CEP162: variants seen among roughly 807,000 people sequenced by gnomAD.
CEP162 encodes centrosomal protein 162.
Under a neutral mutation model 169.2 loss-of-function variants are expected in CEP162, and 141 were observed. The ratio of observed to expected loss-of-function variants is 0.83; its 90% confidence interval spans 0.73 to 0.96. The LOEUF (loss-of-function observed/expected upper bound fraction) is 0.96, where lower values mean the gene tolerates loss of function less well. Ranked by LOEUF, CEP162 falls within the 40% of genes least tolerant of loss-of-function variation. The pLI is 0.00. For missense variants in CEP162, 1,600 were observed against 1,587.2 expected, an observed-to-expected ratio of 1.01 and a Z score of -0.14; for synonymous variants, 540 against 526.4, an observed-to-expected ratio of 1.03 and a Z score of -0.35.
chr6:84,204,868 G>C (rs2099546127), intron 6 of CEP162, among the ~76,000 whole-genome samples: 1 of 152,056 alleles, frequency 6.6e-6, no homozygotes, highest in Non-Finnish European at 1.5e-5. Flanking sequence ...TCAAACAGAT[G>C]CAATAAAAAA....
At chr6:84,204,753 A>G (rs1378285409) in intron 6 of CEP162, among the ~76,000 whole-genome samples, 2 of 152,208 alleles carry the variant, frequency 1.3e-5, no homozygotes, top group African/African-American at 2.4e-5. Flanking sequence ...GGAGATACAA[A>G]CACAAAAAAC....
intron 22 of CEP162, among the ~76,000 whole-genome samples, chr6:84,155,057 C>T (rs2099522617): frequency 6.6e-6 from 1 of 152,078 alleles, no homozygotes; most frequent in Admixed American, 6.6e-5. Flanking sequence ...CACTAATTCT[C>T]ATATTGAGAG....
intron 9 of CEP162, among the ~76,000 whole-genome samples, chr6:84,195,605 A>G (rs149441356): frequency 2.4e-4 from 37 of 152,338 alleles, no homozygotes; most frequent in African/African-American, 8.7e-4. Flanking sequence ...GACATCTGAC[A>G]TTATCTTTTT....
chr6:84,171,776 A>ATGTT, intron 16 of CEP162, 58 bp from the exon 17 acceptor site: 4 of 656,376 alleles, frequency 6.1e-6, no homozygotes, highest in Non-Finnish European at 9.8e-6. Flanking sequence ...TATATAACAT[A>ATGTT]ATATATGTGC....
intron 25 of CEP162, among the ~76,000 whole-genome samples, chr6:84,143,619 G>A (rs2099517622): frequency 6.6e-6 from 1 of 151,866 alleles, no homozygotes; most frequent in Non-Finnish European, 1.5e-5. Flanking sequence ...GTAGAAGCTT[G>A]CAGAAGGAGA....
At chr6:84,203,348 TA>T in intron 7 of CEP162, among the ~76,000 whole-genome samples, 1 of 152,370 alleles carries the variant, frequency 6.6e-6, no homozygotes, top group African/African-American at 2.4e-5. Flanking sequence ...AAAGAAAAAG[TA>T]TAAGTTAACA....
At chr6:84,207,619 T>C (rs535583719) in intron 6 of CEP162, among the ~76,000 whole-genome samples, 105 of 151,490 alleles carry the variant, frequency 6.9e-4, no homozygotes, top group African/African-American at 2.5e-3. Context: ...CTAATGTAAA[T>C]GACGAGTTAA....
chr6:84,148,053 T>C (rs1001509514), intron 24 of CEP162, among the ~76,000 whole-genome samples: 1 of 152,138 alleles, frequency 6.6e-6, no homozygotes, highest in Non-Finnish European at 1.5e-5. Flanking sequence ...TTCCAGACTA[T>C]TCCTTAATAC....
At chr6:84,214,215 C>G (rs2099550669) in intron 5 of CEP162, among the ~76,000 whole-genome samples, 3 of 152,170 alleles carry the variant, frequency 2.0e-5, no homozygotes, top group Admixed American at 2.0e-4. Flanking sequence ...GGAGGTGGAG[C>G]TTGCAGTGAG....
At chr6:84,186,721 T>C (rs573048779) in intron 11 of CEP162, 98 bp from the exon 12 acceptor site, 1 of 960,904 alleles carries the variant, frequency 1.0e-6, no homozygotes, top group South Asian at 1.8e-5. Context: ...ACACACTATA[T>C]ATTTGAATTG....
At chr6:84,157,133 T>C (rs2099523530) in intron 21 of CEP162, among the ~76,000 whole-genome samples, 1 of 152,126 alleles carries the variant, frequency 6.6e-6, no homozygotes, top group Non-Finnish European at 1.5e-5. Context: ...AGTAAAATTT[T>C]TGAAACATAT....
intron 23 of CEP162, among the ~76,000 whole-genome samples, chr6:84,152,025 G>A (rs1271882398): frequency 1.3e-5 from 2 of 152,162 alleles, no homozygotes; most frequent in East Asian, 3.8e-4. Context: ...AGACTCAGAG[G>A]AAAGAGACAG....
chr6:84,194,024 C>T (rs2099541015), intron 10 of CEP162, among the ~76,000 whole-genome samples: 1 of 151,920 alleles, frequency 6.6e-6, no homozygotes, highest in African/African-American at 2.4e-5. Context: ...AAAAAATATC[C>T]CTTTAAATGA....
At chr6:84,156,743 G>GACACACAC (rs71736099) in intron 21 of CEP162, among the ~76,000 whole-genome samples, 1,660 of 125,636 alleles carry the variant, frequency 0.013, 28 homozygotes, top group African/African-American at 0.061. Context: ...GTATCAAAAA[G>GACACACAC]ACACACACAC....
chr6:84,227,000 T>C (rs530813609), intron 1 of CEP162, among the ~76,000 whole-genome samples: 17 of 152,346 alleles, frequency 1.1e-4, no homozygotes, highest in African/African-American at 3.4e-4. Flanking sequence ...AGTAATTTAG[T>C]CAAAATACTT....
rs564824420 is a variant in CEP162 at position 84,163,648 on chromosome 6, T to A, written c.2386-378A>T. 3.9e-5 allele frequency among the ~76,000 whole-genome samples: 6 copies of A among 151,950 alleles called. No homozygotes were observed. In the East Asian group the frequency reaches 1.2e-3, roughly 29 times the overall value. ...AGCAGCCACATGAATTGCTGTACAG[T>A]CAGTTAATGTCATTCTCCACCAAAA... On this transcript the variant is annotated intron_variant, in intron 18 of 26. Coordinates refer to ENST00000403245, the MANE Select transcript of CEP162 (RefSeq NM_014895.4).
Position 84,160,909 on chromosome 6 carries a change from T to G in CEP162, c.2684A>C (p.Lys895Thr). 1.2e-6 allele frequency: 2 copies of G among 1,601,584 alleles called. No individual in the cohort carries two copies. The highest frequency in any genetic ancestry group is 1.7e-6 in the Non-Finnish European group (2 of 1,169,608). ...EIEKLKLEIE[K>T]LKAESGNPSI... ...TGGATTCCCAGATTCAGCTTTCAGT[T>G]TCTCAATCTGTCAATAAATAAATAA... Residue 895 changes from lysine to threonine, a missense_variant, in exon 21 of 27, where the codon AAA becomes ACA. Coordinates refer to ENST00000403245, the MANE Select transcript of CEP162 (RefSeq NM_014895.4).
chr6:84,174,082 T>C lies in CEP162; in HGVS notation c.2132A>G (p.Gln711Arg), dbSNP rs2099531285. Residue 711 changes from glutamine (Q) to arginine (R), a missense_variant, in exon 16 of 27, where the codon CAA becomes CGA. Coordinates refer to ENST00000403245, the MANE Select transcript of CEP162 (RefSeq NM_014895.4). ...TCCTTGAAGAAGTGTCTCTTGTTCT[T>C]GTATTTCTTTTTGGATTTGCTTCAA... ...EKLKQIQKEI[Q>R]EQETLLQGYQ... The C allele has an allele frequency of 6.2e-7, 1 of 1,612,704 alleles. No individual in the cohort carries two copies. The highest frequency in any genetic ancestry group is 1.3e-5 in the African/African-American group (1 of 74,936).
chr6:84,183,208 G>A (rs938453279), intron 13 of CEP162, among the ~76,000 whole-genome samples: 21 of 151,870 alleles, frequency 1.4e-4, no homozygotes, highest in African/African-American at 5.1e-4. Context: ...TATGAAAAAT[G>A]AGTTTAAGAA....
Sources: allele counts gnomAD v4.1 joint callset (sites outside exome capture counted in the v4.1 genomes callset), GRCh38; gene constraint gnomAD v4.1.1; transcripts MANE v1.5; gene names NCBI Gene and HGNC (gene_info 2026-07-23, HGNC 2026-07-21).